DENND4A: variants seen among roughly 807,000 people sequenced by gnomAD.
The protein encoded by DENND4A is DENN domain containing 4A.
Under a neutral mutation model 199.3 loss-of-function variants are expected in DENND4A, and 70 were observed. The ratio of observed to expected loss-of-function variants is 0.35; its 90% confidence interval spans 0.29 to 0.43. The LOEUF (loss-of-function observed/expected upper bound fraction) is 0.43, where lower values mean the gene tolerates loss of function less well. DENND4A is among the 20% of genes least tolerant of loss of function. The pLI, the probability that DENND4A is intolerant of heterozygous loss-of-function variation, is 1.00. For missense variants in DENND4A, 1,723 were observed against 2,255.8 expected, an observed-to-expected ratio of 0.76 and a Z score of 4.78; for synonymous variants, 686 against 766.9, an observed-to-expected ratio of 0.89 and a Z score of 1.74.
At chr15:65,666,435 C>T (rs1184231945) in intron 29 of DENND4A, among the ~76,000 whole-genome samples, 1 of 152,094 alleles carries the variant, frequency 6.6e-6, no homozygotes, top group Non-Finnish European at 1.5e-5. Flanking sequence ...TGATTCACAT[C>T]CCAGATGGGA....
At chr15:65,791,599 C>G (rs546733294) in intron 1 of DENND4A, among the ~76,000 whole-genome samples, 4 of 152,162 alleles carry the variant, frequency 2.6e-5, no homozygotes, top group African/African-American at 9.7e-5. Flanking sequence ...CGGGCTCCCC[C>G]CGCCGCCTGT....
chr15:65,666,981 T>C (rs1351914259), intron 29 of DENND4A, among the ~76,000 whole-genome samples: 1 of 152,076 alleles, frequency 6.6e-6, no homozygotes, highest in Non-Finnish European at 1.5e-5. Context: ...GAAAATATTA[T>C]TTGTAAATAC....
At chr15:65,721,627 C>T (rs2075649263) in intron 12 of DENND4A, among the ~76,000 whole-genome samples, 1 of 150,280 alleles carries the variant, frequency 6.7e-6, no homozygotes, top group Non-Finnish European at 1.5e-5. Context: ...AGAAAGACGA[C>T]GTCTCACTCT....
chr15:65,748,039 CAAAAAAAAAAAAAA>C lies in DENND4A; in HGVS notation c.561+4326_561+4339del, dbSNP rs34813076. Among the ~76,000 whole-genome samples, 9 of 54,380 alleles carry C rather than the reference CAAAAAAAAAAAAAA, an allele frequency of 1.7e-4. No individual in the cohort carries two copies. The East Asian group carries it at 2.0e-3, about 12-fold the overall frequency. 35.7% of individuals were successfully genotyped at this position (54,380 alleles called of 152,430 possible). ...TGGGCGACAGAGCGATACTCCGTCTCAAAAAAAAAAAAAAAAAAAAAAAAGGAAAAAAAAAAAGT... is the reference window on the plus strand; with the variant it reads ...TGGGCGACAGAGCGATACTCCGTCTCAAAAAAAAAAGGAAAAAAAAAAAGT... On this transcript the variant is annotated intron_variant, in intron 4 of 32. Coordinates refer to ENST00000443035, the MANE Select transcript of DENND4A (RefSeq NM_001320835.1).
rs1389405483 is a variant in DENND4A, at chr15:65,749,957, T to A, written c.561+2422A>T. On this transcript the variant is annotated intron_variant, in intron 4 of 32. Transcript: ENST00000443035. ...AAATATCTACAGAAAATGCACAGCA[T>A]TAATCAAAGTAGCATTACTAGGAAT... 3.9e-5 allele frequency among the ~76,000 whole-genome samples: 6 copies of A among 152,152 alleles called. No homozygotes were observed. In the East Asian group the frequency reaches 9.6e-4, roughly 24 times the overall value.
intron 20 of DENND4A, among the ~76,000 whole-genome samples, chr15:65,698,888 C>T (rs1032948267): frequency 7.9e-5 from 12 of 151,844 alleles, no homozygotes; most frequent in Non-Finnish European, 1.3e-4. Context: ...CAGGAATGTG[C>T]CACCATGCCT....
At chr15:65,761,798 C>T (rs2076856495) in intron 1 of DENND4A, among the ~76,000 whole-genome samples, 1 of 152,022 alleles carries the variant, frequency 6.6e-6, no homozygotes, top group South Asian at 2.1e-4. Flanking sequence ...GGGCACTGTA[C>T]AGAGCCTCAT....
chr15:65,788,004 G>A (rs2077611143), intron 1 of DENND4A, among the ~76,000 whole-genome samples: 1 of 152,142 alleles, frequency 6.6e-6, no homozygotes, highest in Admixed American at 6.5e-5. Flanking sequence ...AAAGCTTGGA[G>A]AGAAGCAATG....
chr15:65,775,236 C>G (rs1356848323), intron 1 of DENND4A, among the ~76,000 whole-genome samples: 1 of 152,038 alleles, frequency 6.6e-6, no homozygotes, highest in Non-Finnish European at 1.5e-5. Context: ...GTCCCAGCTA[C>G]TCAGGAGGCT....
intron 1 of DENND4A, among the ~76,000 whole-genome samples, chr15:65,781,657 T>C (rs940441856): frequency 6.6e-5 from 10 of 152,082 alleles, no homozygotes; most frequent in Admixed American, 2.0e-4. Context: ...AAACTATAGA[T>C]AGGTAAATAA....
chr15:65,661,060 G>C lies in DENND4A; in HGVS notation c.*791C>G, dbSNP rs1186453445. ...ATCTATTAGCAATAGAGACAATTTT[G>C]GAGTCATGGTATAGTGAACCTCTCT... On this transcript the variant is annotated 3_prime_UTR_variant, in exon 33 of 33. Coordinates refer to ENST00000443035, the MANE Select transcript of DENND4A (RefSeq NM_001320835.1). 2.0e-5 allele frequency: 3 copies of C among 151,994 alleles called. No individual in the cohort carries two copies. Among genetic ancestry groups the C allele is most frequent in the East Asian group, 1.9e-4 (1 of 5,196 alleles). 9.4% of individuals were successfully genotyped at this position (151,994 alleles called of 1,614,324 possible).
At chr15:65,767,702 A>G (rs1342981287) in intron 1 of DENND4A, among the ~76,000 whole-genome samples, 1 of 152,238 alleles carries the variant, frequency 6.6e-6, no homozygotes, top group Non-Finnish European at 1.5e-5. Context: ...AAACACAAAC[A>G]CATTATTTAA....
At chr15:65,737,115 T>C (rs1420204151) in intron 7 of DENND4A, among the ~76,000 whole-genome samples, 1 of 151,044 alleles carries the variant, frequency 6.6e-6, no homozygotes, top group Non-Finnish European at 1.5e-5. Flanking sequence ...CAGGCTGGAG[T>C]GTAGTGGCAT....
At chr15:65,663,164 A>G (rs1340670045) in intron 32 of DENND4A, among the ~76,000 whole-genome samples, 8 of 129,632 alleles carry the variant, frequency 6.2e-5, no homozygotes, top group East Asian at 2.5e-4. Flanking sequence ...TTTTATATAT[A>G]TGTGTGTGTG....
intron 12 of DENND4A, among the ~76,000 whole-genome samples, chr15:65,719,775 G>C (rs1043925471): frequency 6.6e-5 from 10 of 151,254 alleles, no homozygotes; most frequent in Non-Finnish European, 1.3e-4. Context: ...TGTGTCTGTA[G>C]TCCCAGCTTC....
chr15:65,735,123 ATCTCAGCACTTCG>A (rs1287899671), intron 7 of DENND4A, among the ~76,000 whole-genome samples: 2 of 151,900 alleles, frequency 1.3e-5, no homozygotes, highest in Admixed American at 1.3e-4. Context: ...CACACCTGTA[ATCTCAGCACTTCG>A]GGAGGCCAAG....
chr15:65,791,247 C>T (rs892010115), intron 1 of DENND4A, among the ~76,000 whole-genome samples: 11 of 152,158 alleles, frequency 7.2e-5, no homozygotes, highest in African/African-American at 2.7e-4. Flanking sequence ...CGGTTCTAGG[C>T]GTAACCATAC....
chr15:65,728,986 C>G, intron 11 of DENND4A, 86 bp downstream of exon 11: 1 of 1,292,590 alleles, frequency 7.7e-7, no homozygotes, highest in South Asian at 1.3e-5. Flanking sequence ...TAAAAGAATC[C>G]TACTTAACAA....
At position 65,659,593 on chromosome 15, in the gene DENND4A, C is replaced by G. The variant is rs905589462; in HGVS notation, c.*2258G>C. 5.3e-5 allele frequency: 8 copies of G among 152,116 alleles called. No individual in the cohort carries two copies. Among genetic ancestry groups the G allele is most frequent in the Admixed American group, 1.3e-4 (2 of 15,260 alleles). The allele number at this position is 152,116 out of a possible 1,614,324, so 9.4% of individuals were successfully genotyped here. A position where few individuals can be genotyped will look rare whatever the true frequency, so the allele number is the denominator to read the frequency against. ...ACTCAAGCAATCCTCCCTGCTTCAG[C>G]CTCCCAAAGTGCTGGGATTACAGGC... On this transcript the variant is annotated 3_prime_UTR_variant, in exon 33 of 33. Transcript: ENST00000443035.
Sources: allele counts gnomAD v4.1 joint callset (sites outside exome capture counted in the v4.1 genomes callset), GRCh38; gene constraint gnomAD v4.1.1; transcripts MANE v1.5; gene names NCBI Gene and HGNC (gene_info 2026-07-23, HGNC 2026-07-21).